Variants in GRHL1 observed in about 807,000 individuals in gnomAD.
GRHL1 encodes the protein grainyhead-like protein 1 homolog.
GRHL1 carries 38 observed loss-of-function variants against 75.7 expected under a neutral mutation model. That is an observed-to-expected ratio of 0.50 (90% CI 0.39 to 0.66). The LOEUF (loss-of-function observed/expected upper bound fraction) is 0.66, where lower values mean the gene tolerates loss of function less well. Ranked by LOEUF, GRHL1 falls within the 30% of genes least tolerant of loss-of-function variation. GRHL1 has a pLI of 0.00. For missense variants in GRHL1, 589 were observed against 767.5 expected (o/e 0.77, Z 2.75); for synonymous variants, 266 against 279.4 (o/e 0.95, Z 0.48).
intron 8 of GRHL1, among the ~76,000 whole-genome samples, chr2:9,972,441 C>G (rs932731851): frequency 2.6e-5 from 4 of 152,008 alleles, no homozygotes; most frequent in Non-Finnish European, 5.9e-5. Flanking sequence ...TGAACTTACC[C>G]AGCATAGCAA....
Position 9,951,884 on chromosome 2 carries a change from G to GA in GRHL1, c.20+31_20+32insA. 1 of 1,412,608 alleles carries GA rather than the reference G, an allele frequency of 7.1e-7. No individual in the cohort carries two copies. Among genetic ancestry groups the GA allele is most frequent in the Admixed American group, 2.4e-5 (1 of 42,232 alleles). 87.5% of individuals were successfully genotyped at this position (1,412,608 alleles called of 1,614,324 possible). A position where few individuals can be genotyped will look rare whatever the true frequency, so the allele number is the denominator to read the frequency against. On this transcript the variant is annotated intron_variant, in intron 1 of 15. Transcript: ENST00000324907. The surrounding 1 kb of genome is among the most constrained non-coding windows in gnomAD (Gnocchi z 4.2). The stretch of plus-strand genomic sequence containing the variant: ...TGAGGCGCAGGAGTCCGGCCGCCGC[G>GA]GGGGGGCCGCGCTGAGGGGCCGCAC...
Position 9,968,907 on chromosome 2 carries a change from C to T in GRHL1, c.1110+3526C>T, listed in dbSNP as rs1572350304. On this transcript the variant is annotated intron_variant, in intron 8 of 15. Transcript: ENST00000324907. This position sits in a 1 kb window ranked among gnomAD's most constrained non-coding sequence, Gnocchi z 4.7. Reference sequence around the variant, plus strand: ...CAGGTAGATAGTGGCATAAGTGTCCCCATTTGTGGGGACAGCCTGAGATCT... The same window carrying T: ...CAGGTAGATAGTGGCATAAGTGTCCTCATTTGTGGGGACAGCCTGAGATCT... 6.6e-6 allele frequency among the ~76,000 whole-genome samples: 1 copy of T among 152,144 alleles called. No individual in the cohort carries two copies. The highest frequency in any genetic ancestry group is 2.1e-4 in the South Asian group (1 of 4,830).
chr2:9,991,991 T>TG lies in GRHL1; in HGVS notation c.1322-16_1322-15insG, dbSNP rs1491086903. The TG allele has an allele frequency of 1.6e-5, 10 of 633,590 alleles. No individual in the cohort carries two copies. Among genetic ancestry groups the TG allele is most frequent in the Non-Finnish European group, 2.2e-5 (10 of 449,996 alleles). 39.2% of individuals were successfully genotyped at this position (633,590 alleles called of 1,614,324 possible). A position where few individuals can be genotyped will look rare whatever the true frequency, so the allele number is the denominator to read the frequency against. Reference sequence around the variant, plus strand: ...TTGACCTTGGCTTCCTCTTTTTTAATTTTTTTTTTTTTCAGTTTCTGATGT... The same window carrying TG: ...TTGACCTTGGCTTCCTCTTTTTTAATGTTTTTTTTTTTTCAGTTTCTGATGT... On this transcript the variant is annotated splice_polypyrimidine_tract_variant and intron_variant, in intron 10 of 15. Transcript: ENST00000324907.
At chr2:10,000,448 G>A in intron 15 of GRHL1, 145 bp from the exon 16 acceptor site, 1 of 609,008 alleles carries the variant, frequency 1.6e-6, no homozygotes, top group South Asian at 2.5e-5. Flanking sequence ...CCATTTTATA[G>A]ATGAGGAAGT....
chr2:9,999,482 G>T (rs1045592235), intron 15 of GRHL1, among the ~76,000 whole-genome samples: 1 of 152,228 alleles, frequency 6.6e-6, no homozygotes, highest in African/African-American at 2.4e-5. Flanking sequence ...GTCCCACGGT[G>T]CTGCGCTTGG....
intron 13 of GRHL1, 23 bp downstream of exon 13, chr2:9,995,993 G>T (rs948718164): frequency 2.2e-6 from 3 of 1,393,762 alleles, no homozygotes; most frequent in Non-Finnish European, 3.1e-6. Flanking sequence ...CCATTTCTTA[G>T]TGGGAGTTTT....
rs1669236085 is a variant in GRHL1, at chr2:10,000,818, C to T, written c.*111C>T. 19 of 601,398 alleles carry T rather than the reference C, an allele frequency of 3.2e-5. No homozygotes were observed. The highest frequency in any genetic ancestry group is 3.6e-5 in the Non-Finnish European group (12 of 334,428). The allele number at this position is 601,398 out of a possible 1,614,324, so 37.3% of individuals were successfully genotyped here. On this transcript the variant is annotated 3_prime_UTR_variant, in exon 16 of 16. Transcript: ENST00000324907. The stretch of plus-strand genomic sequence containing the variant: ...CCATGTCGCCAGCACAGGTCTATGT[C>T]GAGGGAATGGGTTCCTTGCAGGTTG...
intron 14 of GRHL1, among the ~76,000 whole-genome samples, chr2:9,996,717 A>G (rs6720380): frequency 0.38 from 58,312 of 152,012 alleles, 11,452 homozygotes; most frequent in Admixed American, 0.47. Flanking sequence ...GTGATTTTTA[A>G]TCAAGTACAA....
At chr2:9,977,555 C>T (rs1437581252) in intron 8 of GRHL1, among the ~76,000 whole-genome samples, 4 of 152,204 alleles carry the variant, frequency 2.6e-5, no homozygotes, top group Non-Finnish European at 5.9e-5. Flanking sequence ...TTCCTGGCCT[C>T]AAGTGATCCG....
Position 9,964,007 on chromosome 2 carries a change from A to G in GRHL1, c.868A>G (p.Ser290Gly), listed in dbSNP as rs1211987874. ...YPITLKEVSSSEGIHHPISKV... is the reference protein window; with the variant it reads ...YPITLKEVSSGEGIHHPISKV... The stretch of plus-strand genomic sequence containing the variant: ...CATCACCTTGAAGGAGGTGAGCAGC[A>G]GTGAAGGAATCCATCATCCCATCAG... Residue 290 changes from serine to glycine, a missense_variant, in exon 6 of 16, where the codon AGT becomes GGT. By Grantham distance (56) the Ser-to-Gly change is moderately conservative (BLOSUM62 0). This residue lies in a region of GRHL1 where 362 missense variants were observed against 461.8 expected (regional missense o/e 0.78). Transcript: ENST00000324907. 1 of 1,613,810 alleles carries G rather than the reference A, an allele frequency of 6.2e-7. No individual in the cohort carries two copies. The highest frequency in any genetic ancestry group is 8.5e-7 in the Non-Finnish European group (1 of 1,179,814).
intron 2 of GRHL1, 80 bp from the exon 3 acceptor site, chr2:9,958,706 A>C: frequency 9.3e-7 from 1 of 1,072,742 alleles, no homozygotes; most frequent in African/African-American, 1.6e-5. Flanking sequence ...GAATTTACTG[A>C]AAAATAAAAG....
At position 9,983,356 on chromosome 2, in the gene GRHL1, C is replaced by T. The variant is rs532084544; in HGVS notation, c.1111-2768C>T. Among the ~76,000 whole-genome samples, 7 of 152,000 alleles carry T rather than the reference C, an allele frequency of 4.6e-5. No individual in the cohort carries two copies. In the East Asian group the frequency reaches 5.8e-4, roughly 13 times the overall value. ...GGACCATTGTCAACTTTCTTTAATA[C>T]ATTTAGAAAACTGCCAAGTTTGGGA... On this transcript the variant is annotated intron_variant, in intron 8 of 15. Transcript: ENST00000324907.
At chr2:9,966,877 C>A (rs768137350) in intron 8 of GRHL1, among the ~76,000 whole-genome samples, 1 of 152,148 alleles carries the variant, frequency 6.6e-6, no homozygotes, top group Non-Finnish European at 1.5e-5. Flanking sequence ...ACCTCAGTCA[C>A]ATACAATTGT....
chr2:9,960,986 T>C (rs955872160), intron 3 of GRHL1, 60 bp from the exon 4 acceptor site: 3 of 1,386,274 alleles, frequency 2.2e-6, no homozygotes, highest in Non-Finnish European at 1.9e-6. Context: ...ATTAGGAAAA[T>C]AAAAATTGTC....
At chr2:9,976,056 C>T (rs1667935560) in intron 8 of GRHL1, among the ~76,000 whole-genome samples, 1 of 152,152 alleles carries the variant, frequency 6.6e-6, no homozygotes, top group African/African-American at 2.4e-5. Context: ...ACAAATACCA[C>T]AGCAGCATGT....
In GRHL1 at chr2:9,992,991, C is replaced by CT. The variant is rs943213033; in HGVS notation, c.1462-213dup. Among the ~76,000 whole-genome samples, 19 of 152,228 alleles carry CT rather than the reference C, an allele frequency of 1.2e-4. No individual in the cohort carries two copies. Among genetic ancestry groups the CT allele is most frequent in the Non-Finnish European group, 1.9e-4 (13 of 68,040 alleles). ...GAGCGTGGCTTTGTTTCAGTAAAGA[C>CT]TTTATTTACATGAACTGGCTTTAGA... On this transcript the variant is annotated intron_variant, in intron 11 of 15. Transcript: ENST00000324907. This position sits in a 1 kb window ranked among gnomAD's most constrained non-coding sequence, Gnocchi z 4.6.
intron 5 of GRHL1, among the ~76,000 whole-genome samples, chr2:9,963,525 CA>C (rs1338174151): frequency 6.6e-6 from 1 of 152,080 alleles, no homozygotes; most frequent in African/African-American, 2.4e-5. Context: ...CTATATAGGC[CA>C]AAAGGAATTT....
At chr2:9,989,272 CA>C (rs1021385202) in intron 9 of GRHL1, among the ~76,000 whole-genome samples, 13 of 152,208 alleles carry the variant, frequency 8.5e-5, no homozygotes, top group African/African-American at 3.1e-4. Flanking sequence ...TTGCTCTCAG[CA>C]AATTTATTTA....
intron 8 of GRHL1, among the ~76,000 whole-genome samples, chr2:9,979,301 C>T (rs1342057614): frequency 6.6e-6 from 1 of 150,744 alleles, no homozygotes; most frequent in East Asian, 2.0e-4. Flanking sequence ...AGTGGCATGA[C>T]ACAGCTCACT....
Sources: allele counts gnomAD v4.1 joint callset (sites outside exome capture counted in the v4.1 genomes callset), GRCh38; gene constraint gnomAD v4.1.1; regional missense constraint gnomAD v4.1.1; non-coding constraint Gnocchi (gnomAD v3.1); transcripts MANE v1.5; gene names NCBI Gene and HGNC (gene_info 2026-07-23, HGNC 2026-07-21).